Variants in PALS2 observed in about 807,000 individuals in gnomAD.
PALS2 encodes protein associated with LIN7 2, MAGUK p55 family member, also known as protein PALS2.
PALS2 carries 27 observed loss-of-function variants against 61.6 expected under a neutral mutation model. The ratio of observed to expected loss-of-function variants is 0.44; its 90% confidence interval spans 0.32 to 0.60. The LOEUF (loss-of-function observed/expected upper bound fraction) is 0.60. Ranked by LOEUF, PALS2 falls within the 20% of genes least tolerant of loss-of-function variation. PALS2 has a pLI of 0.05. For synonymous variants in PALS2, 236 were observed against 218.6 expected, an observed-to-expected ratio of 1.08 and a Z score of -0.70; for missense variants, 554 against 639.4, an observed-to-expected ratio of 0.87 and a Z score of 1.44.
At chr7:24,683,160 A>T (rs1249253330) in intron 11 of PALS2, among the ~76,000 whole-genome samples, 2 of 152,192 alleles carry the variant, frequency 1.3e-5, no homozygotes, top group Non-Finnish European at 2.9e-5. Context: ...ATTTTTAGGG[A>T]TGGCAAGGTG....
At chr7:24,624,290 A>C in intron 2 of PALS2, 1 of 301,194 alleles carries the variant, frequency 3.3e-6, no homozygotes, top group South Asian at 4.8e-5. Context: ...TATACTTTAC[A>C]ACCATTTTTA....
chr7:24,670,095 G>C (rs1787223029), intron 9 of PALS2, among the ~76,000 whole-genome samples: 2 of 152,168 alleles, frequency 1.3e-5, no homozygotes, highest in South Asian at 2.1e-4. Flanking sequence ...TTAGTCTGCT[G>C]TTTCCTGCTT....
chr7:24,605,650 A>T (rs1583862885), intron 1 of PALS2, among the ~76,000 whole-genome samples: 1 of 152,150 alleles, frequency 6.6e-6, no homozygotes, highest in African/African-American at 2.4e-5. Context: ...AACACATAAA[A>T]ACAAAGTATA....
chr7:24,610,533 T>G (rs950571745), intron 1 of PALS2, among the ~76,000 whole-genome samples: 1 of 152,204 alleles, frequency 6.6e-6, no homozygotes, highest in African/African-American at 2.4e-5. Context: ...GAAATATTAC[T>G]AAATTACAGT....
chr7:24,688,050 T>C lies in PALS2; in HGVS notation c.*436T>C, dbSNP rs554941885. On this transcript the variant is annotated 3_prime_UTR_variant, in exon 12 of 12. Coordinates refer to ENST00000222644, the MANE Select transcript of PALS2 (RefSeq NM_001303037.2). ...TCAAATAGTGAAGGGTTAGTCTTAA[T>C]AGAAGAAAATATAGTTATTGACCTT... The C allele has an allele frequency of 6.5e-6, 1 of 152,754 alleles. No homozygotes were observed. Among genetic ancestry groups the C allele is most frequent in the African/African-American group, 2.4e-5 (1 of 41,598 alleles). 9.5% of individuals were successfully genotyped at this position (152,754 alleles called of 1,614,324 possible). A position where few individuals can be genotyped will look rare whatever the true frequency, so the allele number is the denominator to read the frequency against.
At chr7:24,652,099 C>T (rs975747444) in intron 5 of PALS2, among the ~76,000 whole-genome samples, 6 of 152,156 alleles carry the variant, frequency 3.9e-5, no homozygotes, top group Non-Finnish European at 8.8e-5. Context: ...CCTCAGTTGG[C>T]AACTTTCAAT....
intron 1 of PALS2, among the ~76,000 whole-genome samples, chr7:24,605,849 G>T (rs142940434): frequency 6.6e-6 from 1 of 152,030 alleles, no homozygotes; most frequent in African/African-American, 2.4e-5. Context: ...AACATCATGA[G>T]GATTCCTAGA....
chr7:24,644,907 G>C (rs1329016370), intron 3 of PALS2, among the ~76,000 whole-genome samples: 1 of 152,038 alleles, frequency 6.6e-6, no homozygotes, highest in Non-Finnish European at 1.5e-5. Flanking sequence ...GTGATATTGA[G>C]CTTTTTTTCA....
intron 11 of PALS2, among the ~76,000 whole-genome samples, chr7:24,683,992 AATAAGT>A (rs1490926317): frequency 6.6e-6 from 1 of 152,206 alleles, no homozygotes; most frequent in Non-Finnish European, 1.5e-5. Flanking sequence ...ACATTCTGGG[AATAAGT>A]ATATCAACAT....
intron 3 of PALS2, among the ~76,000 whole-genome samples, chr7:24,645,083 G>A (rs985679208): frequency 2.0e-5 from 3 of 152,004 alleles, no homozygotes; most frequent in Non-Finnish European, 4.4e-5. Context: ...CATTCTGTAG[G>A]CTCTTTACTC....
intron 1 of PALS2, among the ~76,000 whole-genome samples, chr7:24,599,889 A>T (rs1438785863): frequency 6.6e-6 from 1 of 152,070 alleles, no homozygotes; most frequent in East Asian, 1.9e-4. Flanking sequence ...GCCTTGGCCT[A>T]CACAGGGTCA....
At chr7:24,652,614 G>T (rs561399604) in intron 5 of PALS2, among the ~76,000 whole-genome samples, 1 of 151,774 alleles carries the variant, frequency 6.6e-6, no homozygotes, top group Non-Finnish European at 1.5e-5. Flanking sequence ...ATGAAAAGGG[G>T]AACATTACTC....
intron 1 of PALS2, among the ~76,000 whole-genome samples, chr7:24,619,419 G>A (rs1032784420): frequency 6.6e-6 from 1 of 152,044 alleles, no homozygotes. Context: ...TCTAGCCCAT[G>A]TAAGAATCCC....
At chr7:24,665,943 C>G (rs1184550823) in intron 7 of PALS2, 78 bp from the exon 8 acceptor site, 4 of 1,342,604 alleles carry the variant, frequency 3.0e-6, no homozygotes, top group Non-Finnish European at 4.2e-6. Context: ...AATTCTCCCA[C>G]CCCTGTAAAA....
chr7:24,686,271 T>C (rs1788199847), intron 11 of PALS2, among the ~76,000 whole-genome samples: 1 of 152,172 alleles, frequency 6.6e-6, no homozygotes, highest in African/African-American at 2.4e-5. Flanking sequence ...GCAACCCTTC[T>C]CTCTGACCTG....
chr7:24,682,689 G>A (rs1322007086), intron 11 of PALS2, among the ~76,000 whole-genome samples: 4 of 152,166 alleles, frequency 2.6e-5, no homozygotes, highest in Non-Finnish European at 5.9e-5. Flanking sequence ...TCTGGTGCCT[G>A]TTATTCCACC....
chr7:24,682,231 A>G (rs74720214), intron 11 of PALS2, among the ~76,000 whole-genome samples: 10,523 of 151,996 alleles, frequency 0.069, 447 homozygotes, highest in African/African-American at 0.11. Context: ...GAGTCATGAG[A>G]TTTTCTGTTC....
At position 24,650,659 on chromosome 7, in the gene PALS2, A is replaced by C; in HGVS notation, c.598A>C (p.Ser200Arg). The C allele has an allele frequency of 6.2e-7, 1 of 1,611,722 alleles. No individual in the cohort carries two copies. Among genetic ancestry groups the C allele is most frequent in the Non-Finnish European group, 8.5e-7 (1 of 1,178,076 alleles). ...LQELLKNISG[S>R]VTLKILPSYR... ...AGAATTACTGAAAAATATTAGTGGAAGTGTCACCCTAAAAATCTTACCAAG... is the reference window on the plus strand; with the variant it reads ...AGAATTACTGAAAAATATTAGTGGACGTGTCACCCTAAAAATCTTACCAAG... The change falls in exon 5 of 12, where the codon AGT becomes CGT. Residue 200 changes from serine (S) to arginine (R), a missense_variant. Physicochemically the swap from Ser to Arg is moderately radical, Grantham distance 110. Coordinates refer to ENST00000222644, the MANE Select transcript of PALS2 (RefSeq NM_001303037.2).
At position 24,596,462 on chromosome 7, in the gene PALS2, A is replaced by G. The variant is rs1783528113; in HGVS notation, c.-3+22869A>G. On this transcript the variant is annotated intron_variant, in intron 1 of 11. Transcript: ENST00000222644. The surrounding 1 kb of genome is among the most constrained non-coding windows in gnomAD (Gnocchi z 4.5). The stretch of plus-strand genomic sequence containing the variant: ...AAAATTACATAGTTTTGGGATTCAA[A>G]TTAGAACATTTGATAAAATATCTCA... Among the ~76,000 whole-genome samples, 1 of 152,224 alleles carries G rather than the reference A, an allele frequency of 6.6e-6. No individual in the cohort carries two copies. Among genetic ancestry groups the G allele is most frequent in the South Asian group, 2.1e-4 (1 of 4,836 alleles).
Sources: gnomAD v4.1 joint callset for allele counts (sites outside exome capture counted in the v4.1 genomes callset) on GRCh38, gnomAD v4.1.1 for gene constraint, Gnocchi (gnomAD v3.1) non-coding constraint, MANE v1.5 for transcripts, NCBI Gene and HGNC (gene_info 2026-07-23, HGNC 2026-07-21) for gene names.